The following PRKG1 variants were observed in gnomAD, a reference collection of about 807,000 sequenced individuals.
PRKG1 encodes protein kinase cGMP-dependent 1.
In PRKG1, 35 loss-of-function variants were observed where a neutral mutation model predicts 88.1. The ratio of observed to expected loss-of-function variants is 0.40; its 90% CI spans 0.30 to 0.53. The LOEUF (loss-of-function observed/expected upper bound fraction) is 0.53. PRKG1 is among the 20% of genes least tolerant of loss of function. The pLI is 0.59. For missense variants in PRKG1, 540 were observed against 839.8 expected (o/e 0.64, Z 4.41); for synonymous variants, 303 against 292.5 (o/e 1.04, Z -0.37).
chr10:52,074,267 G>A (rs1846576683), intron 7 of PRKG1, among the ~76,000 whole-genome samples: 1 of 152,160 alleles, frequency 6.6e-6, no homozygotes, highest in African/African-American at 2.4e-5. Context: ...TTTTCTTCTA[G>A]AGGAAAGCTA....
In PRKG1 at chr10:51,940,795, C is replaced by T. The variant is rs138180733; in HGVS notation, c.762+33225C>T. 1.5e-3 allele frequency among the ~76,000 whole-genome samples: 232 copies of T among 151,994 alleles called. 3 individuals are homozygous for T. Among genetic ancestry groups the T allele is most frequent in the African/African-American group, 3.8e-3 (158 of 41,392 alleles). On this transcript the variant is annotated intron_variant, in intron 5 of 17. Coordinates refer to ENST00000373980, the MANE Select transcript of PRKG1 (RefSeq NM_006258.4). ...TCTCTTTTTTCTTTCACCAAAGCAC[C>T]AAGCCCATAACCATTTCCTATTCTA...
At chr10:51,743,328 G>GT (rs2132494560) in intron 3 of PRKG1, among the ~76,000 whole-genome samples, 1 of 152,162 alleles carries the variant, frequency 6.6e-6, no homozygotes, top group South Asian at 2.1e-4. Context: ...GGGTGCCCAT[G>GT]TGTGCAGTGC....
At position 51,697,551 on chromosome 10, in the gene PRKG1, G is replaced by T. The variant is rs991485630; in HGVS notation, c.593-107034G>T. On this transcript the variant is annotated intron_variant, in intron 3 of 17. Transcript: ENST00000373980. ...ATTAAAAAAAAAAGGAAAACAGAAA[G>T]AAAGAAAAAGAACAAAAAATAAGAT... 3.8e-4 allele frequency: 302 copies of T among 800,034 alleles called. 2 individuals carry two copies. The East Asian group carries it at 8.1e-3, about 22-fold the overall frequency. 49.6% of individuals were successfully genotyped at this position (800,034 alleles called of 1,614,324 possible).
At chr10:51,545,120 G>A (rs12248321) in intron 3 of PRKG1, among the ~76,000 whole-genome samples, 16,708 of 151,882 alleles carry the variant, frequency 0.11, 1,136 homozygotes, top group African/African-American at 0.18. Flanking sequence ...TCAATAATGG[G>A]TTATAAGGGT....
intron 1 of PRKG1, among the ~76,000 whole-genome samples, chr10:50,999,173 C>T (rs1393910967): frequency 3.9e-5 from 6 of 152,196 alleles, no homozygotes; most frequent in Admixed American, 2.0e-4. Context: ...GCCGCATCTT[C>T]AACCTTTTTC....
intron 3 of PRKG1, among the ~76,000 whole-genome samples, chr10:51,658,359 A>T (rs896802110): frequency 6.6e-6 from 1 of 152,126 alleles, no homozygotes; most frequent in East Asian, 1.9e-4. Flanking sequence ...CTTTCTCTCC[A>T]GGATTACCAT....
chr10:51,884,255 G>A (rs1841507738), intron 4 of PRKG1, among the ~76,000 whole-genome samples: 1 of 150,030 alleles, frequency 6.7e-6, no homozygotes, highest in Non-Finnish European at 1.5e-5. Flanking sequence ...GACCATCCTG[G>A]CTAACACGGT....
At chr10:51,737,877 C>T (rs1220571384) in intron 3 of PRKG1, among the ~76,000 whole-genome samples, 1 of 151,808 alleles carries the variant, frequency 6.6e-6, no homozygotes, top group African/African-American at 2.4e-5. Context: ...GATTCTCCTG[C>T]CTCAGCCTCC....
In PRKG1 at chr10:51,802,687, A is replaced by G. The variant is rs563526759; in HGVS notation, c.593-1898A>G. On this transcript the variant is annotated intron_variant, in intron 3 of 17. Transcript: ENST00000373980. ...TCTGAAGGCATATACAAATTTATAT[A>G]AGGAAACATGATACAGACCTGGGAG... is the stretch of plus-strand genomic sequence containing the variant. 2.0e-5 allele frequency among the ~76,000 whole-genome samples: 3 copies of G among 152,260 alleles called. No individual in the cohort carries two copies. In the East Asian group the frequency reaches 5.8e-4, roughly 29 times the overall value.
At chr10:51,590,323 C>T (rs7922733) in intron 3 of PRKG1, among the ~76,000 whole-genome samples, 149,766 of 152,250 alleles carry the variant, frequency 0.98, 73,668 homozygotes, top group East Asian at 1. Flanking sequence ...CCGCCCCCCA[C>T]AATCATTTTC....
At chr10:52,177,240 T>A (rs1838890952) in intron 9 of PRKG1, among the ~76,000 whole-genome samples, 1 of 152,252 alleles carries the variant, frequency 6.6e-6, no homozygotes, top group Admixed American at 6.5e-5. Context: ...TTTTCTCACA[T>A]GCTTTTTCTG....
Position 51,564,158 on chromosome 10 carries a change from ACGTG to A in PRKG1, c.592+96324_592+96327del, listed in dbSNP as rs539241816. Among the ~76,000 whole-genome samples, 389 of 152,200 alleles carry A rather than the reference ACGTG, an allele frequency of 2.6e-3. 1 individual carries two copies. The highest frequency in any genetic ancestry group is 8.8e-3 in the African/African-American group (365 of 41,542). ...AGGAAATCATTATTGCATACCTACT[ACGTG>A]CTGGGTACTTTTTTATGTACTAAGG... On this transcript the variant is annotated intron_variant, in intron 3 of 17. Transcript: ENST00000373980.
At chr10:52,127,267 C>A (rs991175789) in intron 7 of PRKG1, among the ~76,000 whole-genome samples, 5 of 151,952 alleles carry the variant, frequency 3.3e-5, no homozygotes, top group Non-Finnish European at 7.4e-5. Context: ...GATAGGGAAC[C>A]CAAGGAAAAC....
At chr10:51,410,908 T>C (rs1399427013) in intron 2 of PRKG1, among the ~76,000 whole-genome samples, 1 of 152,052 alleles carries the variant, frequency 6.6e-6, no homozygotes, top group Non-Finnish European at 1.5e-5. Context: ...GGCTACACAT[T>C]TATTTTTAAA....
At chr10:51,096,359 T>G (rs1390249589) in intron 1 of PRKG1, among the ~76,000 whole-genome samples, 1 of 152,134 alleles carries the variant, frequency 6.6e-6, no homozygotes, top group Admixed American at 6.5e-5. Context: ...CACTTAATAA[T>G]TTTTAGGTCA....
chr10:51,554,388 T>A (rs1230319885), intron 3 of PRKG1, among the ~76,000 whole-genome samples: 1 of 142,976 alleles, frequency 7.0e-6, no homozygotes, highest in Non-Finnish European at 1.5e-5. Context: ...AATATATACA[T>A]ATATGTATAT....
At chr10:51,822,337 A>C (rs1011708231) in intron 4 of PRKG1, among the ~76,000 whole-genome samples, 1 of 152,172 alleles carries the variant, frequency 6.6e-6, no homozygotes, top group South Asian at 2.1e-4. Flanking sequence ...TAAATACTGC[A>C]TAATCCTACT....
chr10:51,965,961 G>A (rs1365313698), intron 5 of PRKG1, among the ~76,000 whole-genome samples: 2 of 152,050 alleles, frequency 1.3e-5, no homozygotes, highest in Non-Finnish European at 2.9e-5. Flanking sequence ...TCTTTAGAAA[G>A]TACCTCTAAT....
chr10:51,480,617 G>T (rs1280250200), intron 3 of PRKG1, among the ~76,000 whole-genome samples: 1 of 151,646 alleles, frequency 6.6e-6, no homozygotes, highest in East Asian at 1.9e-4. Flanking sequence ...CAGCCTTTTG[G>T]GTATGACCAT....
Sources: allele counts gnomAD v4.1 joint callset (sites outside exome capture counted in the v4.1 genomes callset), GRCh38; gene constraint gnomAD v4.1.1; transcripts MANE v1.5; gene names NCBI Gene and HGNC (gene_info 2026-07-23, HGNC 2026-07-21).